Variants in AUP1 observed in about 807,000 individuals in gnomAD.
AUP1 encodes lipid droplet-regulating VLDL assembly factor AUP1.
AUP1 carries 30 observed loss-of-function variants against 51.8 expected under a neutral mutation model. That is an observed-to-expected ratio of 0.58 (90% confidence interval 0.43 to 0.79). The LOEUF (loss-of-function observed/expected upper bound fraction) is 0.79. Ranked by LOEUF, AUP1 falls within the 30% of genes least tolerant of loss-of-function variation. AUP1 has a pLI of 0.00. For missense variants in AUP1, 492 were observed against 517.1 expected (o/e 0.95, Z 0.47); for synonymous variants, 227 against 209.0 (o/e 1.09, Z -0.74).
Position 74,527,923 on chromosome 2 carries a change from T to G in AUP1, c.738+17A>C. ...AAGCAGGGACCCCGCCTCCACCCTG[T>G]CTGTGCACCCGACCACCTGTTGTAC... On this transcript the variant is annotated intron_variant, in intron 7 of 11. Transcript: ENST00000377526. 2 of 1,614,136 alleles carry G rather than the reference T, an allele frequency of 1.2e-6. No individual in the cohort carries two copies.
Position 74,529,381 on chromosome 2 carries a change from G to T in AUP1, c.169C>A (p.Pro57Thr). The change falls in exon 2 of 12, where the codon CCA becomes ACA. Residue 57 changes from proline to threonine, a missense_variant. Pro to Thr is a conservative substitution (Grantham distance 38). Transcript: ENST00000377526. Reference protein sequence around the residue: ...IHVFLVSCALPDSVLRRFVVR... With the variant: ...IHVFLVSCALTDSVLRRFVVR... ...CGGAACCTGCGAAGGACGCTGTCTGGCAGCGCGCAGCTGACCAGGAAGACG... is the reference window on the plus strand; with the variant it reads ...CGGAACCTGCGAAGGACGCTGTCTGTCAGCGCGCAGCTGACCAGGAAGACG... 3.1e-6 allele frequency: 5 copies of T among 1,608,732 alleles called. No individual in the cohort carries two copies. The highest frequency in any genetic ancestry group is 4.2e-6 in the Non-Finnish European group (5 of 1,177,464).
chr2:74,528,872 G>T lies in AUP1; in HGVS notation c.403C>A (p.Arg135=). Residue 135 remains arginine (R), a synonymous_variant, in exon 4 of 12, where the codon CGG becomes AGG. Coordinates refer to ENST00000377526, the MANE Select transcript of AUP1 (RefSeq NM_181575.5). ...WSRGFMEMNG[R]GELVESLKRF... Reference sequence around the variant, plus strand: ...TTGAGTGACTCCACCAACTCCCCCCGCCCATTCATCTCCATGAAGCCCCGA... The same window carrying T: ...TTGAGTGACTCCACCAACTCCCCCCTCCCATTCATCTCCATGAAGCCCCGA... 6.2e-7 allele frequency: 1 copy of T among 1,614,086 alleles called. No homozygotes were observed. Among genetic ancestry groups the T allele is most frequent in the Non-Finnish European group, 8.5e-7 (1 of 1,180,014 alleles).
Position 74,529,221 on chromosome 2 carries a change from G to A in AUP1, c.250C>T (p.Leu84Phe), listed in dbSNP as rs1675378748. Reference protein sequence around the residue: ...GLVARQEDSGLRDHSVRVLIS... With the variant: ...GLVARQEDSGFRDHSVRVLIS... The stretch of plus-strand genomic sequence containing the variant: ...AGGACCCTGACACTGTGATCCCGGA[G>A]TCCGGAGTCCTCCTGCCGGGCCACG... The change falls in exon 3 of 12, where the codon CTC (leucine) becomes TTC (phenylalanine). Residue 84 changes from leucine to phenylalanine, a missense_variant. Transcript: ENST00000377526. The A allele has an allele frequency of 2.5e-6, 4 of 1,614,092 alleles. No homozygotes were observed. In the African/African-American group the frequency reaches 5.3e-5, roughly 22 times the overall value.
chr2:74,527,454 G>A lies in AUP1; in HGVS notation c.961+17C>T, dbSNP rs1199313178. ...CCCTGTGCCCATCTCCCAGTGTGGG[G>A]CCACCCTTTCCCATACCCAGGTCTC... On this transcript the variant is annotated intron_variant, in intron 9 of 11. Transcript: ENST00000377526. 1.2e-6 allele frequency: 2 copies of A among 1,611,114 alleles called. 1 individual carries two copies. The highest frequency in any genetic ancestry group is 2.2e-5 in the South Asian group (2 of 90,844).
chr2:74,529,507 C>A lies in AUP1; in HGVS notation c.51-8G>T. 6.5e-7 allele frequency: 1 copy of A among 1,549,310 alleles called. No homozygotes were observed. The highest frequency in any genetic ancestry group is 8.7e-7 in the Non-Finnish European group (1 of 1,143,382). On this transcript the variant is annotated splice_region_variant and splice_polypyrimidine_tract_variant and intron_variant, in intron 1 of 11. Transcript: ENST00000377526. ...AAGCAGTCACCCGGAAGCCTGGGGG[C>A]GAGAGGCGAAGTGGTCAGGCGCCGA...
chr2:74,529,073 G>GCCCCTGT (rs1558607696), intron 3 of AUP1, 59 bp downstream of exon 3: 2 of 1,612,720 alleles, frequency 1.2e-6, no homozygotes, highest in Admixed American at 3.3e-5. Flanking sequence ...GGACAGGGGG[G>GCCCCTGT]CCTTCAGCTG....
chr2:74,527,589 G>A lies in AUP1; in HGVS notation c.843C>T (p.Ala281=). The stretch of plus-strand genomic sequence containing the variant: ...CAGGGGAGGGAGGGAAAGAAGACTG[G>A]GCTGTGGAAAAAGGAAAAAAAGAAA... ...QRHPRLRPQS[A]QSSFPPSPGP... is the part of the protein sequence containing the mutation. Residue 281 remains alanine (A), a splice_region_variant and synonymous_variant, in exon 9 of 12, where the codon GCC becomes GCT. Coordinates refer to ENST00000377526, the MANE Select transcript of AUP1 (RefSeq NM_181575.5). 10 of 1,594,718 alleles carry A rather than the reference G, an allele frequency of 6.3e-6. No individual in the cohort carries two copies. The highest frequency in any genetic ancestry group is 2.2e-5 in the East Asian group (1 of 44,826).
chr2:74,529,122 T>A lies in AUP1; in HGVS notation c.339+10A>T. 6.2e-7 allele frequency: 1 copy of A among 1,614,200 alleles called. No individual in the cohort carries two copies. The highest frequency in any genetic ancestry group is 1.1e-5 in the South Asian group (1 of 91,082). On this transcript the variant is annotated intron_variant, in intron 3 of 11. Transcript: ENST00000377526. The stretch of plus-strand genomic sequence containing the variant: ...CGCCCCGTGGCGCTCTCGGCCTCGC[T>A]CTCACTCACGGTGCTACAGGTGGTA...
At position 74,528,752 on chromosome 2, in the gene AUP1, T is replaced by G. The variant is rs1401518863; in HGVS notation, c.523A>C (p.Ser175Arg). ...GCCCCATACCTGTGCTAAACCCACC[T>G]GAAGCGCAGGAGCCCCTCCCGGCCA... ...TNGREGLLRF[S>R]SWPFSIQDVV... The change falls in exon 4 of 12, where the codon AGT (serine) becomes CGT (arginine). Residue 175 changes from serine to arginine, a missense_variant and splice_region_variant. Physicochemically the swap from Ser to Arg is moderately radical, Grantham distance 110. Coordinates refer to ENST00000377526, the MANE Select transcript of AUP1 (RefSeq NM_181575.5). The G allele has an allele frequency of 1.9e-6, 3 of 1,593,980 alleles. No individual in the cohort carries two copies. The highest frequency in any genetic ancestry group is 1.8e-5 in the Admixed American group (1 of 56,092).
In AUP1 at chr2:74,529,293, A is replaced by AG. The variant is rs1356671509; in HGVS notation, c.189-12dup. On this transcript the variant is annotated splice_polypyrimidine_tract_variant and intron_variant, in intron 2 of 11. Transcript: ENST00000377526. ...GTCCGCACTACGAATCTGGGGACAC[A>AG]GGAGGTGGTGACTGTGTGGCCTCGG... The AG allele has an allele frequency of 6.2e-7, 1 of 1,614,048 alleles. No individual in the cohort carries two copies. The highest frequency in any genetic ancestry group is 1.3e-5 in the African/African-American group (1 of 74,944).
Position 74,527,437 on chromosome 2 carries a change from C to T in AUP1, c.961+34G>A, listed in dbSNP as rs915901448. ...CACAACCCACTTTTCCTCCCTGTGCCCATCTCCCAGTGTGGGGCCACCCTT... is the reference window on the plus strand; with the variant it reads ...CACAACCCACTTTTCCTCCCTGTGCTCATCTCCCAGTGTGGGGCCACCCTT... On this transcript the variant is annotated intron_variant, in intron 9 of 11. Transcript: ENST00000377526. 8 of 1,610,726 alleles carry T rather than the reference C, an allele frequency of 5.0e-6. No homozygotes were observed. The Admixed American group carries it at 1.3e-4, about 27-fold the overall frequency.
At position 74,529,469 on chromosome 2, in the gene AUP1, C is replaced by T; in HGVS notation, c.81G>A (p.Val27=). 1.9e-6 allele frequency: 3 copies of T among 1,560,984 alleles called. No individual in the cohort carries two copies. Among genetic ancestry groups the T allele is most frequent in the Non-Finnish European group, 2.6e-6 (3 of 1,151,664 alleles). ...ACCCGACTGGCGCGTAGAGCAGCAG[C>T]ACGAGCAGTAGGAAGCAGTCACCCG... ...RLPGDCFLLL[V]LLLYAPVGFC... Residue 27 remains valine (V), a synonymous_variant, in exon 2 of 12, where the codon GTG becomes GTA. Coordinates refer to ENST00000377526, the MANE Select transcript of AUP1 (RefSeq NM_181575.5).
In AUP1 at chr2:74,528,507, A is replaced by C; in HGVS notation, c.525-18T>G. 1 of 1,602,510 alleles carries C rather than the reference A, an allele frequency of 6.2e-7. No homozygotes were observed. The highest frequency in any genetic ancestry group is 8.5e-7 in the Non-Finnish European group (1 of 1,170,110). On this transcript the variant is annotated intron_variant, in intron 4 of 11. Coordinates refer to ENST00000377526, the MANE Select transcript of AUP1 (RefSeq NM_181575.5). ...GCCAGGAACTAGAAGAGGAAGGAGA[A>C]AGTAGGATGGGAATCCAGCCAGCCT... is the stretch of plus-strand genomic sequence containing the variant.
At chr2:74,529,070 G>A in intron 3 of AUP1, 62 bp downstream of exon 3, 2 of 1,612,552 alleles carry the variant, frequency 1.2e-6, no homozygotes, top group Non-Finnish European at 1.7e-6. Context: ...TGGGGACAGG[G>A]GGGCCTTCAG....
chr2:74,529,067 AG>A, intron 3 of AUP1, 64 bp downstream of exon 3: 2 of 1,611,252 alleles, frequency 1.2e-6, no homozygotes, highest in Non-Finnish European at 1.7e-6. Context: ...GAGTGGGGAC[AG>A]GGGGGCCTTC....
At chr2:74,528,556 A>G (rs928924346) in intron 4 of AUP1, 67 bp from the exon 5 acceptor site, 11 of 1,454,446 alleles carry the variant, frequency 7.6e-6, no homozygotes, top group African/African-American at 1.4e-5. Context: ...CACCTGCCTT[A>G]TAACAGGCAA....
At position 74,528,268 on chromosome 2, in the gene AUP1, A is replaced by C; in HGVS notation, c.651T>G (p.Pro217=). The part of the protein sequence containing the change: ...VSELLWSLFV[P]FTVYQVRWLR... ...AATACCTTACTTGATACACCGTGAA[A>C]GGGACGAAAAGTGACCACAGCAGTT... Residue 217 remains proline, a synonymous_variant, in exon 6 of 12, where the codon CCT becomes CCG. Coordinates refer to ENST00000377526, the MANE Select transcript of AUP1 (RefSeq NM_181575.5). The C allele has an allele frequency of 1.2e-6, 2 of 1,614,182 alleles. No individual in the cohort carries two copies. Among genetic ancestry groups the C allele is most frequent in the Non-Finnish European group, 1.7e-6 (2 of 1,180,004 alleles).
rs369228614 is a variant in AUP1 at position 74,528,736 on chromosome 2, C to G, written c.524+15G>C. On this transcript the variant is annotated intron_variant, in intron 4 of 11. Transcript: ENST00000377526. ...CACCTACCCAGCTGGCGCCCCATAC[C>G]TGTGCTAAACCCACCTGAAGCGCAG... 9 of 1,573,262 alleles carry G rather than the reference C, an allele frequency of 5.7e-6. No homozygotes were observed. The highest frequency in any genetic ancestry group is 1.4e-5 in the African/African-American group (1 of 72,912).
chr2:74,528,892 C>T lies in AUP1; in HGVS notation c.383G>A (p.Gly128Asp). The change falls in exon 4 of 12, where the codon GGC becomes GAC. Residue 128 changes from glycine to aspartate, a missense_variant. Transcript: ENST00000377526. Reference protein sequence around the residue: ...SPPSFVCWSRGFMEMNGRGEL... With the variant: ...SPPSFVCWSRDFMEMNGRGEL... Reference sequence around the variant, plus strand: ...CCCCCGCCCATTCATCTCCATGAAGCCCCGAGACCAGCACACAAAGCTGGG... The same window carrying T: ...CCCCCGCCCATTCATCTCCATGAAGTCCCGAGACCAGCACACAAAGCTGGG... The T allele has an allele frequency of 6.2e-7, 1 of 1,614,158 alleles. No homozygotes were observed. Among genetic ancestry groups the T allele is most frequent in the Non-Finnish European group, 8.5e-7 (1 of 1,180,028 alleles).
Sources: gnomAD v4.1 joint callset for allele counts on GRCh38, gnomAD v4.1.1 for gene constraint, MANE v1.5 for transcripts, NCBI Gene and HGNC (gene_info 2026-07-23, HGNC 2026-07-21) for gene names.